The following NSD3 variants were observed in gnomAD, a reference collection of about 807,000 sequenced individuals.
NSD3 encodes nuclear receptor binding SET domain protein 3.
NSD3 carries 24 observed loss-of-function variants against 160.8 expected under a neutral mutation model. The ratio of observed to expected loss-of-function variants is 0.15; its 90% CI spans 0.11 to 0.21. NSD3 has a LOEUF of 0.21. Among genes scored for constraint, NSD3 ranks in the 10% least tolerant of loss-of-function variants. The pLI, the probability that NSD3 is intolerant of heterozygous loss-of-function variation, is 1.00. For synonymous variants in NSD3, 520 were observed against 600.0 expected, an observed-to-expected ratio of 0.87 and a Z score of 1.95; for missense variants, 1,157 against 1,735.9, an observed-to-expected ratio of 0.67 and a Z score of 5.93.
intron 2 of NSD3, among the ~76,000 whole-genome samples, chr8:38,343,059 G>A (rs1033297917): frequency 6.6e-6 from 1 of 151,752 alleles, no homozygotes; most frequent in African/African-American, 2.4e-5. Flanking sequence ...AGCTGAGTGT[G>A]GTGACGCACA....
intron 1 of NSD3, among the ~76,000 whole-genome samples, chr8:38,372,578 C>T (rs1811275448): frequency 1.3e-5 from 2 of 150,198 alleles, no homozygotes; most frequent in Middle Eastern, 3.2e-3. Flanking sequence ...CTCATTGCAA[C>T]CTCCGCCTCC....
rs1207593894 is a variant in NSD3, at chr8:38,315,607, C to T, written c.1987-63G>A. 13 of 1,589,032 alleles carry T rather than the reference C, an allele frequency of 8.2e-6. No homozygotes were observed. In the East Asian group the frequency reaches 2.7e-4, roughly 33 times the overall value. On this transcript the variant is annotated intron_variant, in intron 10 of 23. Coordinates refer to ENST00000317025, the MANE Select transcript of NSD3 (RefSeq NM_023034.2). ...TGAAAATTCCCTCCAAGATAAGATG[C>T]TATGAAAATCCTAGTAAGACTTGCT...
intron 14 of NSD3, among the ~76,000 whole-genome samples, chr8:38,304,225 A>G (rs1354854959): frequency 3.9e-5 from 6 of 152,240 alleles, no homozygotes; most frequent in African/African-American, 7.2e-5. Context: ...GTTCTGGTTT[A>G]AGATTATGAA....
chr8:38,280,009 C>T (rs1808695649), intron 20 of NSD3: 1 of 195,696 alleles, frequency 5.1e-6, no homozygotes, highest in Non-Finnish European at 1.0e-5. Context: ...TCTCAAAGTT[C>T]TGATAACTGC....
rs1585893235 is a variant in NSD3 at position 38,331,459 on chromosome 8, T to A, written c.1037A>T (p.Gln346Leu). 1 of 1,606,876 alleles carries A rather than the reference T, an allele frequency of 6.2e-7. No homozygotes were observed. Among genetic ancestry groups the A allele is most frequent in the African/African-American group, 1.3e-5 (1 of 74,694 alleles). ...TTGTTTCTCAGAGTGATTGCTGGCT[T>A]GTTTGGTTGCCTCAGCCAGTAATTC... Reference protein sequence around the residue: ...YEELLAEATKQASNHSEKQKI... With the variant: ...YEELLAEATKLASNHSEKQKI... The change falls in exon 5 of 24, where the codon CAA (glutamine) becomes CTA (leucine). Residue 346 changes from glutamine (Q) to leucine (L), a missense_variant. Coordinates refer to ENST00000317025, the MANE Select transcript of NSD3 (RefSeq NM_023034.2).
In NSD3 at chr8:38,347,791, T is replaced by C; in HGVS notation, c.381A>G (p.Lys127=). 6.2e-7 allele frequency: 1 copy of C among 1,613,776 alleles called. No homozygotes were observed. Among genetic ancestry groups the C allele is most frequent in the Non-Finnish European group, 8.5e-7 (1 of 1,180,012 alleles). ...GAGGTGGTGGCTGTGGAGGGGAAGG[T>C]TTTTCCAGAATTTCATGTGGTCTTG... is the stretch of plus-strand genomic sequence containing the variant. ...PNTRPHEILE[K]PSPPQPPPPP... Residue 127 remains lysine (K), a synonymous_variant, in exon 2 of 24, where the codon AAA becomes AAG. Coordinates refer to ENST00000317025, the MANE Select transcript of NSD3 (RefSeq NM_023034.2).
intron 19 of NSD3, among the ~76,000 whole-genome samples, chr8:38,285,130 A>C (rs1364500796): frequency 6.6e-6 from 1 of 152,178 alleles, no homozygotes; most frequent in Non-Finnish European, 1.5e-5. Context: ...TAATACCTTA[A>C]AATAGACCAC....
chr8:38,320,954 A>G (rs1394066135), intron 8 of NSD3, 118 bp downstream of exon 8: 2 of 914,652 alleles, frequency 2.2e-6, no homozygotes, highest in Non-Finnish European at 3.4e-6. Context: ...AGAAGCGTTA[A>G]GATAGTCCAG....
At chr8:38,346,451 C>T (rs943546049) in intron 2 of NSD3, among the ~76,000 whole-genome samples, 2 of 149,648 alleles carry the variant, frequency 1.3e-5, no homozygotes, top group Non-Finnish European at 3.0e-5. Flanking sequence ...TATTTTCTGG[C>T]TCCCCTCACT....
At chr8:38,369,683 T>G (rs1811192836) in intron 1 of NSD3, among the ~76,000 whole-genome samples, 1 of 152,228 alleles carries the variant, frequency 6.6e-6, no homozygotes, top group Non-Finnish European at 1.5e-5. Context: ...TTTGCACTTT[T>G]AGAGATAAGA....
chr8:38,378,941 A>C (rs1463752198), intron 1 of NSD3, among the ~76,000 whole-genome samples: 2 of 152,186 alleles, frequency 1.3e-5, no homozygotes, highest in Admixed American at 6.5e-5. Flanking sequence ...AGCAGCTATT[A>C]GTGGATTATG....
intron 19 of NSD3, among the ~76,000 whole-genome samples, chr8:38,282,577 T>G (rs1016818437): frequency 2.0e-5 from 3 of 152,116 alleles, no homozygotes; most frequent in Non-Finnish European, 2.9e-5. Context: ...AGGCTGAGGC[T>G]GGAGAATCGC....
chr8:38,366,152 A>T (rs949368409), intron 1 of NSD3, among the ~76,000 whole-genome samples: 6 of 150,954 alleles, frequency 4.0e-5, no homozygotes, highest in Non-Finnish European at 8.9e-5. Flanking sequence ...AAGGCAATGC[A>T]TTCTGTATTT....
chr8:38,329,790 T>C lies in NSD3; in HGVS notation c.1169A>G (p.Tyr390Cys). 4.3e-6 allele frequency: 7 copies of C among 1,614,194 alleles called. No homozygotes were observed. The highest frequency in any genetic ancestry group is 5.9e-6 in the Non-Finnish European group (7 of 1,180,024). ...CTGTTTATCAATGTAAATAAAAGTA[T>C]ACTGTTCTATTCTTTCTTCTCGAGT... The part of the protein sequence containing the change: ...KMTREERIEQ[Y>C]TFIYIDKQPE... The change falls in exon 6 of 24, where the codon TAT becomes TGT. Residue 390 changes from tyrosine (Y) to cysteine (C), a missense_variant. Tyr to Cys is a radical substitution (Grantham distance 194). Transcript: ENST00000317025. This position sits in a 1 kb window ranked among gnomAD's most constrained non-coding sequence, Gnocchi z 4.8.
At chr8:38,341,396 G>A (rs1487217459) in intron 2 of NSD3, among the ~76,000 whole-genome samples, 1 of 152,124 alleles carries the variant, frequency 6.6e-6, no homozygotes, top group Non-Finnish European at 1.5e-5. Context: ...AAATTAGCCA[G>A]GCACTGTGGT....
At chr8:38,283,474 T>TA (rs1044970657) in intron 19 of NSD3, among the ~76,000 whole-genome samples, 5 of 139,770 alleles carry the variant, frequency 3.6e-5, no homozygotes, top group African/African-American at 1.1e-4. Context: ...GAACTGTTGG[T>TA]AGTCCCTAGC....
chr8:38,287,128 CA>C (rs1808879867), intron 19 of NSD3, among the ~76,000 whole-genome samples: 1 of 152,204 alleles, frequency 6.6e-6, no homozygotes, highest in Non-Finnish European at 1.5e-5. Context: ...AACTGAATTT[CA>C]CTTCGAGCAA....
At chr8:38,372,047 T>C (rs1363389276) in intron 1 of NSD3, among the ~76,000 whole-genome samples, 1 of 152,238 alleles carries the variant, frequency 6.6e-6, no homozygotes, top group African/African-American at 2.4e-5. Flanking sequence ...CAAACATAGA[T>C]TGTCATCACT....
intron 2 of NSD3, among the ~76,000 whole-genome samples, chr8:38,344,906 T>C (rs531286764): frequency 6.6e-6 from 1 of 152,240 alleles, no homozygotes; most frequent in East Asian, 1.9e-4. Flanking sequence ...GTATTGACTA[T>C]TAAAACACTT....
Sources: gnomAD v4.1 joint callset for allele counts (sites outside exome capture counted in the v4.1 genomes callset) on GRCh38, gnomAD v4.1.1 for gene constraint, Gnocchi (gnomAD v3.1) non-coding constraint, MANE v1.5 for transcripts, NCBI Gene and HGNC (gene_info 2026-07-23, HGNC 2026-07-21) for gene names.